Variants in NRXN3 observed in about 807,000 individuals in gnomAD.
The protein encoded by NRXN3 is neurexin 3.
A neutral mutation model predicts 137.6 loss-of-function variants in NRXN3; 32 were observed. The ratio of observed to expected loss-of-function variants is 0.23; its 90% confidence interval spans 0.18 to 0.31. The LOEUF is 0.31. Ranked by LOEUF, NRXN3 falls within the 10% of genes least tolerant of loss-of-function variation. The probability of loss-of-function intolerance (pLI) is 1.00; values close to 1 mark genes in which losing one functional copy is unlikely to be tolerated. For synonymous variants in NRXN3, 798 were observed against 784.5 expected (o/e 1.02, Z -0.29); for missense variants, 1,574 against 2,062.5 (o/e 0.76, Z 4.59).
chr14:79,085,914 G>A (rs1052714193), intron 15 of NRXN3, among the ~76,000 whole-genome samples: 10 of 152,162 alleles, frequency 6.6e-5, no homozygotes, highest in Non-Finnish European at 1.5e-5. Context: ...TGATTCTGAT[G>A]ACCTTGCCTC....
chr14:78,640,280 T>C (rs2097609807), intron 4 of NRXN3, among the ~76,000 whole-genome samples: 1 of 152,236 alleles, frequency 6.6e-6, no homozygotes, highest in South Asian at 2.1e-4. Context: ...GTAGTTCAAA[T>C]GTATTTCTAA....
intron 1 of NRXN3, among the ~76,000 whole-genome samples, chr14:78,187,348 T>C (rs1432485307): frequency 1.3e-5 from 2 of 151,988 alleles, no homozygotes; most frequent in African/African-American, 2.4e-5. Flanking sequence ...GGGTCACTCA[T>C]GCAGACTTGG....
At chr14:79,521,772 A>G (rs1165829415) in intron 16 of NRXN3, among the ~76,000 whole-genome samples, 1 of 152,138 alleles carries the variant, frequency 6.6e-6, no homozygotes, top group African/African-American at 2.4e-5. Context: ...TAGGTTAGAC[A>G]TAGTTCTTCT....
intron 15 of NRXN3, among the ~76,000 whole-genome samples, chr14:79,061,656 T>G (rs2099674460): frequency 6.6e-6 from 1 of 152,180 alleles, no homozygotes; most frequent in East Asian, 1.9e-4. Context: ...ATAGCCTGCT[T>G]TTTTGAGGAC....
chr14:78,232,505 A>G (rs2065572549), intron 1 of NRXN3, among the ~76,000 whole-genome samples: 1 of 151,564 alleles, frequency 6.6e-6, no homozygotes, highest in Admixed American at 6.6e-5. Context: ...CGTAAATTGC[A>G]CTCTTGCTGG....
At chr14:79,376,210 GTATGTATA>G (rs1227814538) in intron 15 of NRXN3, among the ~76,000 whole-genome samples, 10 of 40,794 alleles carry the variant, frequency 2.5e-4, no homozygotes, top group East Asian at 9.7e-4. Flanking sequence ...GTGTGTGTGT[GTATGTATA>G]TATATATATA....
intron 4 of NRXN3, among the ~76,000 whole-genome samples, chr14:78,567,667 G>C (rs1318519357): frequency 6.6e-6 from 1 of 152,032 alleles, no homozygotes. Context: ...ACCTCTTATC[G>C]AGTGGGGTTT....
intron 4 of NRXN3, among the ~76,000 whole-genome samples, chr14:78,624,477 A>G (rs187583639): frequency 3.3e-5 from 5 of 152,372 alleles, no homozygotes. Context: ...GAGAGCTGGC[A>G]TGGCAAGAGG....
rs376433254 is a variant in NRXN3 at position 79,674,438 on chromosome 14, A to T, written c.3616+10489A>T. 1.1e-3 allele frequency among the ~76,000 whole-genome samples: 162 copies of T among 152,182 alleles called. No individual in the cohort carries two copies. In the South Asian group the frequency reaches 0.011, roughly 10 times the overall value. ...TCCCCAGTGGTTCCAAGGTAGAAGT[A>T]TTAATCTCCCTCATTTACAGATGAG... On this transcript the variant is annotated intron_variant, in intron 17 of 20. Coordinates refer to ENST00000335750, the MANE Select transcript of NRXN3 (RefSeq NM_001330195.2).
chr14:79,119,819 A>ATG (rs2055104605), intron 15 of NRXN3, among the ~76,000 whole-genome samples: 1 of 152,086 alleles, frequency 6.6e-6, no homozygotes, highest in African/African-American at 2.4e-5. Flanking sequence ...TACTTATCCA[A>ATG]TAGTAACATG....
intron 15 of NRXN3, among the ~76,000 whole-genome samples, chr14:79,293,699 A>ACAC (rs1422828487): frequency 6.6e-6 from 1 of 152,184 alleles, no homozygotes; most frequent in Non-Finnish European, 1.5e-5. Context: ...GATACTCCAA[A>ACAC]CACTCGCACT....
At position 79,597,603 on chromosome 14, in the gene NRXN3, G is replaced by T. The variant is rs562787684; in HGVS notation, c.3445-66175G>T. Among the ~76,000 whole-genome samples, 5 of 152,064 alleles carry T rather than the reference G, an allele frequency of 3.3e-5. No homozygotes were observed. In the South Asian group the frequency reaches 8.3e-4, roughly 25 times the overall value. ...AATATTATTATTGTTGTTACCATACGCAAACTTTATTTCTTAGTTTGGATG... is the reference window on the plus strand; with the variant it reads ...AATATTATTATTGTTGTTACCATACTCAAACTTTATTTCTTAGTTTGGATG... On this transcript the variant is annotated intron_variant, in intron 16 of 20. Transcript: ENST00000335750.
Position 79,526,432 on chromosome 14 carries a change from T to C in NRXN3, c.3444+59030T>C, listed in dbSNP as rs372367699. 3.9e-5 allele frequency among the ~76,000 whole-genome samples: 6 copies of C among 152,280 alleles called. No individual in the cohort carries two copies. The East Asian group carries it at 1.2e-3, about 29-fold the overall frequency. ...CTGGTCTCAAGCTCCTGGCCTCAAG[T>C]GATTCTCCTGTGTAGGTTTCCCAAA... is the stretch of plus-strand genomic sequence containing the variant. On this transcript the variant is annotated intron_variant, in intron 16 of 20. Coordinates refer to ENST00000335750, the MANE Select transcript of NRXN3 (RefSeq NM_001330195.2).
At chr14:78,698,078 A>T (rs2098244638) in intron 6 of NRXN3, 1 of 151,354 alleles carries the variant, frequency 6.6e-6, no homozygotes, top group Admixed American at 6.6e-5. Context: ...TGTATAAATT[A>T]GTGGGCTTGA....
chr14:79,731,889 A>T (rs2098924943), intron 19 of NRXN3, among the ~76,000 whole-genome samples: 1 of 149,614 alleles, frequency 6.7e-6, no homozygotes, highest in Non-Finnish European at 1.5e-5. Flanking sequence ...ATCCGATTTC[A>T]CTTACTGTAG....
At chr14:79,803,678 G>A (rs1001449519) in intron 19 of NRXN3, among the ~76,000 whole-genome samples, 2 of 151,906 alleles carry the variant, frequency 1.3e-5, no homozygotes, top group Non-Finnish European at 2.9e-5. Flanking sequence ...TGTCCATAAT[G>A]TAAGACCAGG....
rs186746250 is a variant in NRXN3 at position 78,475,288 on chromosome 14, A to G, written c.758-169832A>G. ...GACCTATATGCTATTTAATTTTGCA[A>G]CTCCCGCAGAGGTTAGCATGGTAAG... On this transcript the variant is annotated intron_variant, in intron 4 of 20. Coordinates refer to ENST00000335750, the MANE Select transcript of NRXN3 (RefSeq NM_001330195.2). 8.1e-4 allele frequency among the ~76,000 whole-genome samples: 123 copies of G among 152,194 alleles called. 5 individuals are homozygous for G. In the East Asian group the frequency reaches 0.017, roughly 21 times the overall value.
At chr14:78,451,419 A>G (rs2094548452) in intron 4 of NRXN3, among the ~76,000 whole-genome samples, 1 of 152,200 alleles carries the variant, frequency 6.6e-6, no homozygotes, top group Non-Finnish European at 1.5e-5. Context: ...AGTGTCTGAC[A>G]CTTGGTATGT....
chr14:78,237,276 G>A (rs1176239586), intron 1 of NRXN3, among the ~76,000 whole-genome samples: 3 of 152,166 alleles, frequency 2.0e-5, no homozygotes, highest in African/African-American at 4.8e-5. Flanking sequence ...TATGAGTCAG[G>A]ACTCTTGGTC....
Sources: gnomAD v4.1 joint callset for allele counts (sites outside exome capture counted in the v4.1 genomes callset) on GRCh38, gnomAD v4.1.1 for gene constraint, MANE v1.5 for transcripts, NCBI Gene and HGNC (gene_info 2026-07-23, HGNC 2026-07-21) for gene names.